TMPRSS2: variants seen among roughly 807,000 people sequenced by gnomAD.
The protein encoded by TMPRSS2 is transmembrane protease serine 2.
In TMPRSS2, 59 loss-of-function variants were observed where a neutral mutation model predicts 67.4. That is an observed-to-expected ratio of 0.88 (90% CI 0.71 to 1.09). The LOEUF (loss-of-function observed/expected upper bound fraction) is 1.09, where lower values mean the gene tolerates loss of function less well. Among genes scored for constraint, TMPRSS2 ranks in the 50% least tolerant of loss-of-function variants. The pLI is 0.00. For missense variants in TMPRSS2, 668 were observed against 642.7 expected (o/e 1.04, Z -0.43); for synonymous variants, 257 against 257.0 (o/e 1.00, Z 0.00).
At chr21:41,477,950 T>G (rs111870470) in intron 7 of TMPRSS2, among the ~76,000 whole-genome samples, 12 of 149,996 alleles carry the variant, frequency 8.0e-5, no homozygotes, top group African/African-American at 3.0e-4. Flanking sequence ...TTCCAAGCCC[T>G]CCAGCCTCCT....
intron 9 of TMPRSS2, among the ~76,000 whole-genome samples, chr21:41,472,631 GC>G (rs551003769): frequency 2.6e-3 from 402 of 152,328 alleles, no homozygotes; most frequent in Non-Finnish European, 4.5e-3. Context: ...AGAAGGGCAT[GC>G]CCATCTTATA....
At chr21:41,494,325 T>C in intron 3 of TMPRSS2, 31 bp downstream of exon 3, 3 of 1,610,352 alleles carry the variant, frequency 1.9e-6, no homozygotes, top group African/African-American at 2.7e-5. Context: ...CCCGGGTTTA[T>C]TACAGGAAAT....
At chr21:41,485,375 T>C (rs4818240) in intron 5 of TMPRSS2, among the ~76,000 whole-genome samples, 137,704 of 152,132 alleles carry the variant, frequency 0.91, 63,111 homozygotes, top group Non-Finnish European at 0.98. Flanking sequence ...AGGCCAGGCG[T>C]GGTAGTTCAC....
intron 3 of TMPRSS2, 117 bp downstream of exon 3, chr21:41,494,230 AAGACGGAGG>A (rs2091360228): frequency 4.9e-6 from 5 of 1,015,858 alleles, no homozygotes; most frequent in Non-Finnish European, 7.2e-6. Flanking sequence ...CTGGCTCCGG[AAGACGGAGG>A]AGAAGGGTCA....
Position 41,467,388 on chromosome 21 carries a change from C to CAA in TMPRSS2, c.1467+344_1467+345dup, listed in dbSNP as rs1216161241. 5.9e-3 allele frequency among the ~76,000 whole-genome samples: 674 copies of CAA among 113,834 alleles called. 8 individuals are homozygous for CAA. Among genetic ancestry groups the CAA allele is most frequent in the African/African-American group, 0.021 (632 of 30,794 alleles). The allele number at this position is 113,834 out of a possible 152,430, so 74.7% of individuals were successfully genotyped here. A position where few individuals can be genotyped will look rare whatever the true frequency, so the allele number is the denominator to read the frequency against. The stretch of plus-strand genomic sequence containing the variant: ...TGGGCGACACAGTGAGACTCCATCT[C>CAA]AAAAAAAAAAAAAAAAAGTTTGATG... On this transcript the variant is annotated intron_variant, in intron 13 of 13. Transcript: ENST00000332149.
At chr21:41,495,266 T>A (rs538138686) in intron 2 of TMPRSS2, among the ~76,000 whole-genome samples, 13 of 152,286 alleles carry the variant, frequency 8.5e-5, no homozygotes, top group Admixed American at 7.8e-4. Context: ...AGTTCCTTCA[T>A]GACAATTTAA....
intron 9 of TMPRSS2, among the ~76,000 whole-genome samples, 183 bp from the exon 10 acceptor site, chr21:41,472,164 G>A (rs1264703789): frequency 1.6e-5 from 1 of 60,672 alleles, no homozygotes. Flanking sequence ...CCCCAACCCC[G>A]ACTCCCTGCC....
chr21:41,473,312 G>GC lies in TMPRSS2; in HGVS notation c.899+12dup. On this transcript the variant is annotated intron_variant, in intron 9 of 13. Transcript: ENST00000332149. Reference sequence around the variant, plus strand: ...CCTGAGCCCCCACCCGGCCCGCGCCGCCCCTGGCATACTTTTCCACGCAGT... The same window carrying GC: ...CCTGAGCCCCCACCCGGCCCGCGCCGCCCCCTGGCATACTTTTCCACGCAGT... 6.3e-7 allele frequency: 1 copy of GC among 1,577,540 alleles called. No individual in the cohort carries two copies. The highest frequency in any genetic ancestry group is 2.3e-5 in the East Asian group (1 of 43,220).
At chr21:41,483,345 A>T (rs1010600094) in intron 5 of TMPRSS2, among the ~76,000 whole-genome samples, 5 of 151,298 alleles carry the variant, frequency 3.3e-5, no homozygotes, top group African/African-American at 7.3e-5. Flanking sequence ...GTGCAATGGC[A>T]TGATCTCAGC....
At chr21:41,500,447 C>T (rs1486275514) in intron 1 of TMPRSS2, among the ~76,000 whole-genome samples, 1 of 152,154 alleles carries the variant, frequency 6.6e-6, no homozygotes, top group South Asian at 2.1e-4. Context: ...AGAGTGGGGC[C>T]GGCTTCAGTA....
intron 8 of TMPRSS2, 114 bp from the exon 9 acceptor site, chr21:41,473,610 A>T: frequency 8.3e-7 from 1 of 1,204,130 alleles, no homozygotes; most frequent in Non-Finnish European, 1.2e-6. Context: ...CAGGGGCACC[A>T]CTGCTGGGGA....
intron 5 of TMPRSS2, among the ~76,000 whole-genome samples, chr21:41,483,416 T>G (rs1360300923): frequency 6.6e-6 from 1 of 152,062 alleles, no homozygotes; most frequent in Admixed American, 6.5e-5. Context: ...CATGAGTAGC[T>G]GGGATTACAG....
At chr21:41,475,537 GTGAGTGAGGGGGT>G (rs2091201458) in intron 8 of TMPRSS2, among the ~76,000 whole-genome samples, 1 of 36,618 alleles carries the variant, frequency 2.7e-5, no homozygotes, top group African/African-American at 1.2e-4. Flanking sequence ...GGGGTGAAGG[GTGAGTGAGGGGGT>G]GAGGAGGTGA....
In TMPRSS2 at chr21:41,478,270, T is replaced by A. The variant is rs2146447958; in HGVS notation, c.683+902A>T. On this transcript the variant is annotated intron_variant, in intron 7 of 13. Transcript: ENST00000332149. This position sits in a 1 kb window ranked among gnomAD's most constrained non-coding sequence, Gnocchi z 4.0. ...CCCCTCCACCAGCGGCCTCCAGGAA[T>A]GCAAACCTGCCCCAGGCTCCCACTC... Among the ~76,000 whole-genome samples, 1 of 152,186 alleles carries A rather than the reference T, an allele frequency of 6.6e-6. No homozygotes were observed. Among genetic ancestry groups the A allele is most frequent in the South Asian group, 2.1e-4 (1 of 4,820 alleles).
At chr21:41,468,580 AGCTCTC>A (rs1259873151) in intron 11 of TMPRSS2, 42 bp from the exon 12 acceptor site, 1 of 1,609,106 alleles carries the variant, frequency 6.2e-7, no homozygotes, top group East Asian at 2.2e-5. Context: ...TGTTGCCTGC[AGCTCTC>A]GCAGGGAGAG....
chr21:41,503,338 A>C (rs1324424225), intron 1 of TMPRSS2, among the ~76,000 whole-genome samples: 1 of 152,188 alleles, frequency 6.6e-6, no homozygotes, highest in Admixed American at 6.5e-5. Context: ...TCAACACCAC[A>C]CACAAGCCAC....
intron 5 of TMPRSS2, 21 bp downstream of exon 5, chr21:41,488,373 C>T: frequency 2.5e-6 from 4 of 1,604,462 alleles, no homozygotes; most frequent in South Asian, 1.1e-5. Flanking sequence ...GAGTCCCTTC[C>T]CAAGGTCAAG....
intron 1 of TMPRSS2, among the ~76,000 whole-genome samples, chr21:41,498,786 G>A (rs1400571878): frequency 2.0e-5 from 3 of 152,236 alleles, no homozygotes; most frequent in Non-Finnish European, 4.4e-5. Context: ...TGGCAACACA[G>A]CTCCCTGGAA....
At chr21:41,507,694 G>T (rs1197814106) in intron 1 of TMPRSS2, among the ~76,000 whole-genome samples, 1 of 152,214 alleles carries the variant, frequency 6.6e-6, no homozygotes. Flanking sequence ...GAGAAAAGGC[G>T]CACCGGTGCT....
Sources: gnomAD v4.1 joint callset for allele counts (sites outside exome capture counted in the v4.1 genomes callset) on GRCh38, gnomAD v4.1.1 for gene constraint, Gnocchi (gnomAD v3.1) non-coding constraint, MANE v1.5 for transcripts, NCBI Gene and HGNC (gene_info 2026-07-23, HGNC 2026-07-21) for gene names.